The following CMIP variants were observed in gnomAD, a reference collection of about 807,000 sequenced individuals.
CMIP encodes the protein C-Maf-inducing protein.
CMIP carries 13 observed loss-of-function variants against 97.3 expected under a neutral mutation model. That is an observed-to-expected ratio of 0.13 (90% confidence interval 0.09 to 0.21). The LOEUF is 0.21. CMIP is among the 10% of genes least tolerant of loss of function. CMIP has a pLI of 1.00. For missense variants in CMIP, 847 were observed against 1,024.9 expected (o/e 0.83, Z 2.37); for synonymous variants, 538 against 436.3 (o/e 1.23, Z -2.91).
At chr16:81,595,649 A>G (rs1290502819) in intron 1 of CMIP, among the ~76,000 whole-genome samples, 1 of 152,172 alleles carries the variant, frequency 6.6e-6, no homozygotes, top group African/African-American at 2.4e-5. Flanking sequence ...TCGGCTTCCC[A>G]AAGTGCCAGG....
At chr16:81,496,128 G>A (rs909798005) in intron 1 of CMIP, among the ~76,000 whole-genome samples, 11 of 152,174 alleles carry the variant, frequency 7.2e-5, no homozygotes, top group African/African-American at 2.7e-4. Context: ...CTGTAGAATG[G>A]GGATAATGGG....
Position 81,616,257 on chromosome 16 carries a change from C to T in CMIP, c.427-4619C>T, listed in dbSNP as rs893790443. Among the ~76,000 whole-genome samples the T allele has an allele frequency of 1.3e-5, 2 of 152,050 alleles. No homozygotes were observed. The highest frequency in any genetic ancestry group is 2.1e-4 in the South Asian group (1 of 4,810). On this transcript the variant is annotated intron_variant, in intron 2 of 20. Coordinates refer to ENST00000537098, the MANE Select transcript of CMIP (RefSeq NM_198390.3). This position sits in a 1 kb window ranked among gnomAD's most constrained non-coding sequence, Gnocchi z 4.7. ...AATCCTGTGGGTGGGACATAAATAC[C>T]CAGCCAGCCTCAGGGTGTGGGCCGA... is the stretch of plus-strand genomic sequence containing the variant.
At chr16:81,589,567 G>C (rs966482122) in intron 1 of CMIP, among the ~76,000 whole-genome samples, 1 of 151,470 alleles carries the variant, frequency 6.6e-6, no homozygotes, top group African/African-American at 2.4e-5. Context: ...CCTGGCCCAT[G>C]CCGGGCACTC....
chr16:81,478,533 G>A (rs908957097), intron 1 of CMIP, among the ~76,000 whole-genome samples: 8 of 152,138 alleles, frequency 5.3e-5, no homozygotes, highest in Non-Finnish European at 8.8e-5. Context: ...CACATTCATG[G>A]AATTCCATTG....
chr16:81,474,392 C>G (rs1447438926), intron 1 of CMIP, among the ~76,000 whole-genome samples: 2 of 152,158 alleles, frequency 1.3e-5, no homozygotes, highest in East Asian at 1.9e-4. Flanking sequence ...TCTCCGCTCT[C>G]TCTTTCCTTC....
chr16:81,673,287 G>A (rs1343736822), intron 9 of CMIP, among the ~76,000 whole-genome samples: 1 of 152,124 alleles, frequency 6.6e-6, no homozygotes, highest in East Asian at 1.9e-4. Flanking sequence ...AGGCCAAGGC[G>A]GGCAGATCAC....
At position 81,688,352 on chromosome 16, in the gene CMIP, C is replaced by T. The variant is rs188417123; in HGVS notation, c.1389-3423C>T. ...CTGAGGTTTAGCCCTCCTTCCTTAC[C>T]CAGGCAGGCGTTGGCTTTTGCTAAG... is the stretch of plus-strand genomic sequence containing the variant. On this transcript the variant is annotated intron_variant, in intron 10 of 20. Transcript: ENST00000537098. Among the ~76,000 whole-genome samples the T allele has an allele frequency of 3.3e-5, 5 of 152,318 alleles. No homozygotes were observed. The East Asian group carries it at 9.6e-4, about 29-fold the overall frequency.
intron 1 of CMIP, among the ~76,000 whole-genome samples, chr16:81,535,506 T>G (rs2150829962): frequency 6.6e-6 from 1 of 151,716 alleles, no homozygotes; most frequent in East Asian, 1.9e-4. Context: ...TGTACGTTCT[T>G]TCTCTAAGTG....
intron 1 of CMIP, among the ~76,000 whole-genome samples, chr16:81,465,013 A>T (rs766185391): frequency 6.6e-6 from 1 of 152,196 alleles, no homozygotes; most frequent in Non-Finnish European, 1.5e-5. Flanking sequence ...CGCTCCTGTG[A>T]ACATTGGTGC....
intron 19 of CMIP, 130 bp from the exon 20 acceptor site, chr16:81,706,884 C>G (rs1012609947): frequency 1.4e-6 from 1 of 735,282 alleles, no homozygotes; most frequent in African/African-American, 1.8e-5. Context: ...GTCTACGAAA[C>G]CTCCCTCCCC....
intron 1 of CMIP, among the ~76,000 whole-genome samples, chr16:81,599,347 A>T (rs1040493816): frequency 6.6e-6 from 1 of 152,172 alleles, no homozygotes; most frequent in Non-Finnish European, 1.5e-5. Flanking sequence ...TCATATCGTT[A>T]CCTGCCACTT....
chr16:81,533,896 T>G (rs933777903), intron 1 of CMIP: 1 of 152,290 alleles, frequency 6.6e-6, no homozygotes, highest in African/African-American at 2.4e-5. Flanking sequence ...GAACCTCTCC[T>G]GCCCTTTCCT....
intron 1 of CMIP, among the ~76,000 whole-genome samples, chr16:81,572,807 A>C (rs1449644867): frequency 2.6e-5 from 4 of 152,128 alleles, no homozygotes; most frequent in African/African-American, 9.7e-5. Flanking sequence ...GGCGGTTCAC[A>C]TCGAGCTTGG....
At chr16:81,572,703 C>G (rs2091114870) in intron 1 of CMIP, among the ~76,000 whole-genome samples, 1 of 152,206 alleles carries the variant, frequency 6.6e-6, no homozygotes, top group Non-Finnish European at 1.5e-5. Context: ...TCCTTGATCG[C>G]TGGCCCTGCT....
At chr16:81,460,844 T>A (rs114838209) in intron 1 of CMIP, among the ~76,000 whole-genome samples, 2,444 of 152,352 alleles carry the variant, frequency 0.016, 53 homozygotes, top group African/African-American at 0.055. Flanking sequence ...GTGGTGATGA[T>A]GACGGTGATG....
At chr16:81,659,929 C>G (rs1232457804) in intron 5 of CMIP, among the ~76,000 whole-genome samples, 1 of 152,230 alleles carries the variant, frequency 6.6e-6, no homozygotes, top group East Asian at 1.9e-4. Context: ...CTGGAGCCTC[C>G]TTTCATTCCA....
intron 4 of CMIP, among the ~76,000 whole-genome samples, chr16:81,656,970 G>C (rs1416795846): frequency 3.3e-5 from 5 of 151,918 alleles, no homozygotes; most frequent in African/African-American, 9.7e-5. Context: ...CAAAGGAAAC[G>C]TTCATTGGAG....
intron 1 of CMIP, among the ~76,000 whole-genome samples, chr16:81,545,440 A>T (rs930714644): frequency 6.6e-6 from 1 of 152,210 alleles, no homozygotes; most frequent in Non-Finnish European, 1.5e-5. Flanking sequence ...GGGACCGTGC[A>T]CACAACAGTG....
In CMIP at chr16:81,702,942, T is replaced by A. The variant is rs187421441; in HGVS notation, c.1944+273T>A. 7.1e-3 allele frequency among the ~76,000 whole-genome samples: 1,074 copies of A among 152,340 alleles called. 7 individuals are homozygous for A. Among genetic ancestry groups the A allele is most frequent in the Non-Finnish European group, 0.011 (756 of 68,032 alleles). On this transcript the variant is annotated intron_variant, in intron 17 of 20. Transcript: ENST00000537098. Reference sequence around the variant, plus strand: ...TAATAGTACTTGGAATAATAGCAGATATACCTTGAGCATTTGTGTGTCAGA... The same window carrying A: ...TAATAGTACTTGGAATAATAGCAGAAATACCTTGAGCATTTGTGTGTCAGA...
Sources: allele counts gnomAD v4.1 joint callset (sites outside exome capture counted in the v4.1 genomes callset), GRCh38; gene constraint gnomAD v4.1.1; non-coding constraint Gnocchi (gnomAD v3.1); transcripts MANE v1.5; gene names NCBI Gene and HGNC (gene_info 2026-07-23, HGNC 2026-07-21).